TMC7: variants seen among roughly 807,000 people sequenced by gnomAD.
The protein encoded by TMC7 is transmembrane channel-like protein 7.
A neutral mutation model predicts 82.9 loss-of-function variants in TMC7; 54 were observed. The ratio of observed to expected loss-of-function variants is 0.65; its 90% confidence interval spans 0.52 to 0.82. TMC7 has a LOEUF of 0.82. Ranked by LOEUF, TMC7 falls within the 40% of genes least tolerant of loss-of-function variation. The pLI, the probability that TMC7 is intolerant of heterozygous loss-of-function variation, is 0.00. For missense variants in TMC7, 820 were observed against 901.2 expected, an observed-to-expected ratio of 0.91 and a Z score of 1.15; for synonymous variants, 350 against 337.9, an observed-to-expected ratio of 1.04 and a Z score of -0.39.
At chr16:18,991,957 T>C (rs2038959225) in intron 1 of TMC7, among the ~76,000 whole-genome samples, 1 of 152,200 alleles carries the variant, frequency 6.6e-6, no homozygotes, top group Non-Finnish European at 1.5e-5. Context: ...TAGTATTCCA[T>C]GGTGTATATG....
chr16:19,027,860 A>G (rs1960307913), intron 5 of TMC7, among the ~76,000 whole-genome samples: 1 of 152,132 alleles, frequency 6.6e-6, no homozygotes, highest in Non-Finnish European at 1.5e-5. Context: ...TTGTTTTAAG[A>G]AGACACACAC....
intron 1 of TMC7, among the ~76,000 whole-genome samples, chr16:19,001,869 G>A (rs892148943): frequency 6.6e-6 from 1 of 152,176 alleles, no homozygotes; most frequent in South Asian, 2.1e-4. Flanking sequence ...ATCCACGCAA[G>A]TTGTCAAACA....
At chr16:19,054,015 A>G (rs998047308) in intron 13 of TMC7, among the ~76,000 whole-genome samples, 3 of 151,938 alleles carry the variant, frequency 2.0e-5, no homozygotes, top group African/African-American at 7.3e-5. Context: ...ATGGTTCTTC[A>G]GTATTCAGTC....
intron 5 of TMC7, 129 bp from the exon 6 acceptor site, chr16:19,030,095 G>A (rs1395012707): frequency 1.1e-6 from 1 of 913,206 alleles, no homozygotes; most frequent in Non-Finnish European, 1.7e-6. Context: ...CTCTGGGGCT[G>A]TTCCAGTCTC....
intron 12 of TMC7, among the ~76,000 whole-genome samples, chr16:19,048,042 G>A (rs950042550): frequency 2.6e-5 from 4 of 151,384 alleles, no homozygotes; most frequent in African/African-American, 9.7e-5. Context: ...TGAGAGTTTT[G>A]TTAAGAATTT....
At chr16:19,038,175 A>T (rs930675701) in intron 8 of TMC7, 128 bp downstream of exon 8, 1 of 869,898 alleles carries the variant, frequency 1.1e-6, no homozygotes, top group African/African-American at 1.7e-5. Context: ...AGACCTGAAA[A>T]TCAGAGGTGA....
rs1962031003 is a variant in TMC7, at chr16:19,062,000, C to T, written c.*157C>T. 2.0e-6 allele frequency: 1 copy of T among 495,694 alleles called. No homozygotes were observed. Among genetic ancestry groups the T allele is most frequent in the Non-Finnish European group, 3.4e-6 (1 of 292,702 alleles). 30.7% of individuals were successfully genotyped at this position (495,694 alleles called of 1,614,324 possible). ...ATATGTGCAGCTGTGTTTACCTAACCCAGCCCTTAATTAGGGCTTCAGTGA... is the reference window on the plus strand; with the variant it reads ...ATATGTGCAGCTGTGTTTACCTAACTCAGCCCTTAATTAGGGCTTCAGTGA... On this transcript the variant is annotated 3_prime_UTR_variant, in exon 16 of 16. Coordinates refer to ENST00000304381, the MANE Select transcript of TMC7 (RefSeq NM_024847.4).
chr16:19,059,334 A>G lies in TMC7; in HGVS notation c.2028-82A>G, dbSNP rs1270871306. On this transcript the variant is annotated intron_variant, in intron 14 of 15. Transcript: ENST00000304381. Reference sequence around the variant, plus strand: ...TTTCTAACAAGAGTAAAACTGTTCCAAGGAAAAATATGTTGGGTTATTTTT... The same window carrying G: ...TTTCTAACAAGAGTAAAACTGTTCCGAGGAAAAATATGTTGGGTTATTTTT... 5.1e-6 allele frequency: 8 copies of G among 1,561,266 alleles called. No individual in the cohort carries two copies. In the East Asian group the frequency reaches 1.6e-4, roughly 31 times the overall value.
At chr16:19,043,347 G>A (rs2142277229) in intron 9 of TMC7, among the ~76,000 whole-genome samples, 2 of 152,212 alleles carry the variant, frequency 1.3e-5, no homozygotes, top group Admixed American at 1.3e-4. Context: ...GTGTCACTAT[G>A]TCATCACAGA....
rs758589113 is a variant in TMC7, at chr16:19,035,822, G to A, written c.1004G>A (p.Arg335Gln). ...CACAGCAGCTTGCGGTACGAGCTCC[G>A]AGTGAGTGCTCCTGAGTTTGTCCGT... ...LKHSSLRYEL[R>Q]ADLEEERMRQ... The change falls in exon 7 of 16, where the codon CGA becomes CAA. Residue 335 changes from arginine (R) to glutamine (Q), a missense_variant and splice_region_variant. Physicochemically the swap from Arg to Gln is conservative, Grantham distance 43 (BLOSUM62 1). Coordinates refer to ENST00000304381, the MANE Select transcript of TMC7 (RefSeq NM_024847.4). 6.3e-7 allele frequency: 1 copy of A among 1,577,712 alleles called. No homozygotes were observed.
At chr16:19,019,476 A>G (rs149649579) in intron 3 of TMC7, among the ~76,000 whole-genome samples, 13 of 152,320 alleles carry the variant, frequency 8.5e-5, no homozygotes, top group Non-Finnish European at 1.5e-4. Flanking sequence ...ACTGTTACTG[A>G]ACATTTACTA....
At chr16:19,025,390 G>C (rs569130261) in intron 5 of TMC7, among the ~76,000 whole-genome samples, 1 of 152,060 alleles carries the variant, frequency 6.6e-6, no homozygotes, top group Non-Finnish European at 1.5e-5. Context: ...AGGCCAAGGC[G>C]GGCAGATCAC....
In TMC7 at chr16:19,051,714, C is replaced by T; in HGVS notation, c.1769C>T (p.Ser590Phe). ...AGTCTGCTTTACACCTGCAGACCCT[C>T]CCCCAGGCCGTTCAGAGCATCCAAT... The part of the protein sequence containing the change: ...EWSLLYTCRP[S>F]PRPFRASNSN... Residue 590 changes from serine to phenylalanine, a missense_variant, in exon 13 of 16, where the codon TCC becomes TTC. Physicochemically the swap from Ser to Phe is radical, Grantham distance 155. Coordinates refer to ENST00000304381, the MANE Select transcript of TMC7 (RefSeq NM_024847.4). 1 of 1,614,026 alleles carries T rather than the reference C, an allele frequency of 6.2e-7. No individual in the cohort carries two copies. Among genetic ancestry groups the T allele is most frequent in the Non-Finnish European group, 8.5e-7 (1 of 1,179,994 alleles).
At chr16:19,047,916 G>A (rs1164328706) in intron 12 of TMC7, among the ~76,000 whole-genome samples, 3 of 149,630 alleles carry the variant, frequency 2.0e-5, no homozygotes, top group African/African-American at 7.4e-5. Context: ...GGCCAAGCTG[G>A]TCTTGAACTC....
intron 9 of TMC7, among the ~76,000 whole-genome samples, chr16:19,044,020 C>T (rs1455581626): frequency 1.3e-5 from 2 of 152,110 alleles, no homozygotes; most frequent in East Asian, 3.9e-4. Context: ...CAGGCGTGTG[C>T]CACCACACCC....
chr16:19,013,276 T>C (rs1959481773), intron 2 of TMC7, among the ~76,000 whole-genome samples: 1 of 150,572 alleles, frequency 6.6e-6, no homozygotes, highest in Admixed American at 6.7e-5. Context: ...TGGAGTGCAA[T>C]GGTGCGATCT....
intron 1 of TMC7, among the ~76,000 whole-genome samples, chr16:19,002,361 C>G (rs1596727414): frequency 6.6e-6 from 1 of 152,056 alleles, no homozygotes; most frequent in East Asian, 1.9e-4. Flanking sequence ...CTCAGCCTCC[C>G]AAGTAGTGGG....
chr16:19,005,526 C>A (rs944982242), intron 1 of TMC7, among the ~76,000 whole-genome samples: 2 of 152,274 alleles, frequency 1.3e-5, no homozygotes, highest in East Asian at 3.9e-4. Flanking sequence ...CCTCCATTCC[C>A]GAGATGAGAA....
At chr16:19,040,264 C>G in intron 8 of TMC7, 25 bp from the exon 9 acceptor site, 1 of 1,605,118 alleles carries the variant, frequency 6.2e-7, no homozygotes, top group Non-Finnish European at 8.5e-7. Context: ...ATACTCCTGA[C>G]TAATAAGTTT....
Sources: gnomAD v4.1 joint callset for allele counts (sites outside exome capture counted in the v4.1 genomes callset) on GRCh38, gnomAD v4.1.1 for gene constraint, MANE v1.5 for transcripts, NCBI Gene and HGNC (gene_info 2026-07-23, HGNC 2026-07-21) for gene names.